The following SKIC3 variants were observed in gnomAD, a reference collection of about 807,000 sequenced individuals.
The protein encoded by SKIC3 is superkiller complex protein 3.
chr5:95,536,969 A>G, the SKIC3 span: 2 of 1,596,424 alleles, frequency 1.3e-6, no homozygotes, highest in Non-Finnish European at 1.7e-6. Flanking sequence ...TAGTAGTAGT[A>G]AAATGTATTT....
chr5:95,554,262 T>C, the SKIC3 span, among the ~76,000 whole-genome samples: 1 of 152,136 alleles, frequency 6.6e-6, no homozygotes, highest in South Asian at 2.1e-4. Flanking sequence ...CTTAAGTAAG[T>C]AGTATAACTC....
chr5:95,528,433 G>A, the SKIC3 span, among the ~76,000 whole-genome samples: 1 of 152,042 alleles, frequency 6.6e-6, no homozygotes, highest in Non-Finnish European at 1.5e-5. Flanking sequence ...ATCTATATTT[G>A]CTAAACAATA....
At chr5:95,492,384 C>T in the SKIC3 span, among the ~76,000 whole-genome samples, 1 of 151,674 alleles carries the variant, frequency 6.6e-6, no homozygotes, top group Admixed American at 6.6e-5. Flanking sequence ...CGCCTGTAAT[C>T]CCAGCACTTT....
the SKIC3 span, among the ~76,000 whole-genome samples, chr5:95,551,711 A>T: frequency 1.3e-5 from 2 of 152,150 alleles, no homozygotes; most frequent in Non-Finnish European, 2.9e-5. Context: ...CCACCCACCA[A>T]GGCTTACCCT....
the SKIC3 span, chr5:95,530,140 T>G: frequency 1.2e-6 from 2 of 1,613,724 alleles, no homozygotes; most frequent in Non-Finnish European, 1.7e-6. Flanking sequence ...TGTAATGCTT[T>G]AATGCCTAAG....
chr5:95,494,898 A>C, the SKIC3 span: 6 of 1,595,682 alleles, frequency 3.8e-6, no homozygotes, highest in Non-Finnish European at 5.2e-6. Flanking sequence ...GACTATGAAA[A>C]CTATTATTCC....
At chr5:95,538,630 T>C in the SKIC3 span, among the ~76,000 whole-genome samples, 1 of 152,102 alleles carries the variant, frequency 6.6e-6, no homozygotes, top group East Asian at 1.9e-4. Context: ...ACTTTTAAAG[T>C]TACAAATAAA....
the SKIC3 span, chr5:95,504,034 C>T: frequency 3.5e-5 from 45 of 1,282,950 alleles, no homozygotes; most frequent in East Asian, 2.3e-4. Flanking sequence ...TTGGGCCGGA[C>T]GCGGTGGCTC....
At chr5:95,485,097 T>G in the SKIC3 span, among the ~76,000 whole-genome samples, 1 of 152,248 alleles carries the variant, frequency 6.6e-6, no homozygotes, top group East Asian at 1.9e-4. Flanking sequence ...ATAAAATAAT[T>G]TGCTGAAAAC....
chr5:95,524,671 T>C, the SKIC3 span: 3 of 1,586,882 alleles, frequency 1.9e-6, no homozygotes, highest in Non-Finnish European at 2.6e-6. Context: ...GACTCCTAGT[T>C]GGAACAATCA....
chr5:95,507,656 G>A, the SKIC3 span, among the ~76,000 whole-genome samples: 1 of 152,168 alleles, frequency 6.6e-6, no homozygotes, highest in Admixed American at 6.5e-5. Context: ...AAATAGCCAA[G>A]AAAGATTTTT....
chr5:95,513,471 G>T, the SKIC3 span: 1 of 1,297,542 alleles, frequency 7.7e-7, no homozygotes, highest in African/African-American at 1.5e-5. Flanking sequence ...GGGATTACAG[G>T]CATAAGCCAC....
chr5:95,540,921 T>G, the SKIC3 span: 1 of 1,249,568 alleles, frequency 8.0e-7, no homozygotes, highest in African/African-American at 1.5e-5. Flanking sequence ...ATTTTTAATT[T>G]GTTAATATAT....
the SKIC3 span, chr5:95,541,330 T>C: frequency 4.3e-6 from 7 of 1,613,706 alleles, no homozygotes; most frequent in Non-Finnish European, 5.1e-6. Context: ...TTCTTGGTAA[T>C]ATAGATCCAC....
the SKIC3 span, chr5:95,494,898 A>G: frequency 1.3e-6 from 2 of 1,595,682 alleles, no homozygotes; most frequent in Non-Finnish European, 1.7e-6. Flanking sequence ...GACTATGAAA[A>G]CTATTATTCC....
the SKIC3 span, chr5:95,494,541 A>C: frequency 1.2e-6 from 1 of 819,806 alleles, no homozygotes; most frequent in Non-Finnish European, 2.0e-6. Flanking sequence ...CTGTTGTAGA[A>C]GATCTAAATT....
chr5:95,486,025 C>CAT, the SKIC3 span, among the ~76,000 whole-genome samples: 2 of 152,128 alleles, frequency 1.3e-5, no homozygotes, highest in African/African-American at 2.4e-5. Context: ...TAATTCTAGC[C>CAT]ATAAGACAAC....
the SKIC3 span, among the ~76,000 whole-genome samples, chr5:95,518,558 G>A: frequency 2.0e-5 from 3 of 151,780 alleles, no homozygotes; most frequent in Non-Finnish European, 4.4e-5. Flanking sequence ...AGCACATATG[G>A]TGGTTAACTT....
At chr5:95,520,796 C>G in the SKIC3 span, 1 of 1,612,044 alleles carries the variant, frequency 6.2e-7, no homozygotes, top group Non-Finnish European at 8.5e-7. Context: ...CTTTTGCCAT[C>G]ATAAGATGGC....
Sources: allele counts gnomAD v4.1 joint callset (sites outside exome capture counted in the v4.1 genomes callset), GRCh38; gene constraint gnomAD v4.1.1; transcripts MANE v1.5; gene names NCBI Gene and HGNC (gene_info 2026-07-23, HGNC 2026-07-21).